Variants in TULP2 observed in about 807,000 individuals in gnomAD.
TULP2 encodes the protein tubby-related protein 2.
Under a neutral mutation model 60.3 loss-of-function variants are expected in TULP2, and 64 were observed. That is an observed-to-expected ratio of 1.06 (90% confidence interval 0.87 to 1.31). The LOEUF (loss-of-function observed/expected upper bound fraction) is 1.31. TULP2 is among the 50% of genes most tolerant of loss of function. The probability of loss-of-function intolerance (pLI) is 0.00; values close to 1 mark genes in which losing one functional copy is unlikely to be tolerated. For missense variants in TULP2, 652 were observed against 667.0 expected, an observed-to-expected ratio of 0.98 and a Z score of 0.25; for synonymous variants, 267 against 265.4, an observed-to-expected ratio of 1.01 and a Z score of -0.06.
chr19:48,896,639 G>A (rs1163566865), intron 3 of TULP2, 83 bp from the exon 4 acceptor site: 19 of 1,452,878 alleles, frequency 1.3e-5, no homozygotes, highest in African/African-American at 7.2e-5. Flanking sequence ...GCAAGGGCTC[G>A]CATCGGCGCG....
At chr19:48,883,148 G>C (rs1363286302) in intron 11 of TULP2, among the ~76,000 whole-genome samples, 2 of 151,804 alleles carry the variant, frequency 1.3e-5, no homozygotes, top group African/African-American at 4.8e-5. Context: ...GAGCCGGGGA[G>C]GTCGAGCTTG....
chr19:48,895,977 C>T (rs1235873904), intron 4 of TULP2, among the ~76,000 whole-genome samples: 1 of 152,208 alleles, frequency 6.6e-6, no homozygotes, highest in Non-Finnish European at 1.5e-5. Context: ...ACAGCCCTGC[C>T]GCTGGATTGT....
At position 48,896,488 on chromosome 19, in the gene TULP2, G is replaced by A. The variant is rs754973394; in HGVS notation, c.153C>T (p.Asp51=). ...AAGAGCGCCAAAGCCACGGGGAAGC[G>A]TCAGGATTGGCCTGAACCATGAGGA... ...QELLMVQANP[D]ASPWLWRSCL... Residue 51 remains aspartate (D), a synonymous_variant, in exon 4 of 13, where the codon GAC becomes GAT. Coordinates refer to ENST00000221399, the MANE Select transcript of TULP2 (RefSeq NM_003323.3). 55 of 1,611,508 alleles carry A rather than the reference G, an allele frequency of 3.4e-5. No individual in the cohort carries two copies. The highest frequency in any genetic ancestry group is 1.7e-5 in the Admixed American group (1 of 59,678).
chr19:48,883,891 C>T (rs780737539), intron 10 of TULP2, 39 bp from the exon 11 acceptor site: 2 of 1,613,946 alleles, frequency 1.2e-6, no homozygotes, highest in Non-Finnish European at 1.7e-6. Context: ...GTTCCTTCTT[C>T]TGACTATCCT....
chr19:48,889,034 G>C (rs2037208966), intron 7 of TULP2, among the ~76,000 whole-genome samples: 1 of 145,190 alleles, frequency 6.9e-6, no homozygotes, highest in African/African-American at 2.6e-5. Context: ...TCCCGGGCTG[G>C]AGTGCAATCT....
chr19:48,890,998 T>C (rs1222643457), intron 6 of TULP2, among the ~76,000 whole-genome samples: 1 of 151,228 alleles, frequency 6.6e-6, no homozygotes, highest in East Asian at 1.9e-4. Context: ...GAAGTACTGA[T>C]AATACTACCA....
chr19:48,886,134 G>A (rs988757893), intron 8 of TULP2, among the ~76,000 whole-genome samples: 33 of 151,736 alleles, frequency 2.2e-4, no homozygotes, highest in Non-Finnish European at 1.0e-4. Context: ...GTGAAACCCC[G>A]TCTCTACTAA....
intron 6 of TULP2, among the ~76,000 whole-genome samples, chr19:48,891,579 C>T (rs1050395879): frequency 3.2e-4 from 48 of 152,252 alleles, no homozygotes; most frequent in African/African-American, 1.0e-3. Flanking sequence ...TGCAGTGAGC[C>T]GAGATCGTGC....
At chr19:48,894,915 G>C in intron 6 of TULP2, 83 bp downstream of exon 6, 1 of 1,494,756 alleles carries the variant, frequency 6.7e-7, no homozygotes, top group Non-Finnish European at 9.0e-7. Flanking sequence ...TTATACTTCA[G>C]TGAAGCTGCT....
Position 48,895,363 on chromosome 19 carries a change from T to C in TULP2, c.349+3A>G. 2.5e-6 allele frequency: 4 copies of C among 1,613,356 alleles called. No individual in the cohort carries two copies. The highest frequency in any genetic ancestry group is 3.4e-6 in the Non-Finnish European group (4 of 1,179,618). On this transcript the variant is annotated splice_donor_region_variant and intron_variant, in intron 5 of 12. Coordinates refer to ENST00000221399, the MANE Select transcript of TULP2 (RefSeq NM_003323.3). ...TCTAGGAGGTCGGTGGACTCGCAAATACCTGCTTCTGTCCGCGGTGTCGGG... is the reference window on the plus strand; with the variant it reads ...TCTAGGAGGTCGGTGGACTCGCAAACACCTGCTTCTGTCCGCGGTGTCGGG...
Position 48,887,976 on chromosome 19 carries a change from A to G in TULP2, c.922T>C (p.Tyr308His). 3 of 1,612,734 alleles carry G rather than the reference A, an allele frequency of 1.9e-6. No homozygotes were observed. In the South Asian group the frequency reaches 3.3e-5, roughly 18 times the overall value. ...TGCAGGCTGTCAGAGGTCTCCAGGTAGAGGTAGTAGAGGGGGAACAAGCCC... is the reference window on the plus strand; with the variant it reads ...TGCAGGCTGTCAGAGGTCTCCAGGTGGAGGTAGTAGAGGGGGAACAAGCCC... ...DKGLFPLYYLYLETSDSLQRF... is the reference protein window; with the variant it reads ...DKGLFPLYYLHLETSDSLQRF... The change falls in exon 8 of 13, where the codon TAC (tyrosine) becomes CAC (histidine). Residue 308 changes from tyrosine to histidine, a missense_variant. Coordinates refer to ENST00000221399, the MANE Select transcript of TULP2 (RefSeq NM_003323.3).
At chr19:48,881,743 C>T (rs1370567164) in intron 12 of TULP2, among the ~76,000 whole-genome samples, 1 of 151,936 alleles carries the variant, frequency 6.6e-6, no homozygotes, top group Non-Finnish European at 1.5e-5. Context: ...TTCTTGAACT[C>T]CTGACCTCAG....
Position 48,883,001 on chromosome 19 carries a change from C to T in TULP2, c.1275+753G>A, listed in dbSNP as rs191141243. Among the ~76,000 whole-genome samples the T allele has an allele frequency of 3.7e-3, 569 of 152,258 alleles. 6 individuals carry two copies. The highest frequency in any genetic ancestry group is 0.013 in the African/African-American group (546 of 41,558). On this transcript the variant is annotated intron_variant, in intron 11 of 12. Transcript: ENST00000221399. The stretch of plus-strand genomic sequence containing the variant: ...TTGGGAGGCCGAGGCGGGTGAATCA[C>T]GAGGTCAGGAGATCGAGACCATCCT...
At chr19:48,885,034 G>A (rs1256261696) in intron 9 of TULP2, among the ~76,000 whole-genome samples, 1 of 149,796 alleles carries the variant, frequency 6.7e-6, no homozygotes, top group Non-Finnish European at 1.5e-5. Context: ...CCAAGTAGCT[G>A]GGATTACAGG....
Position 48,896,646 on chromosome 19 carries a change from C to T in TULP2, c.85-90G>A, listed in dbSNP as rs934915911. 3.5e-6 allele frequency: 5 copies of T among 1,431,042 alleles called. No individual in the cohort carries two copies. The South Asian group carries it at 4.4e-5, about 13-fold the overall frequency. 88.6% of individuals were successfully genotyped at this position (1,431,042 alleles called of 1,614,324 possible). A position where few individuals can be genotyped will look rare whatever the true frequency, so the allele number is the denominator to read the frequency against. On this transcript the variant is annotated intron_variant, in intron 3 of 12. Transcript: ENST00000221399. ...GGCCTGGGGCAAGGGCTCGCATCGGCGCGAGAGTTCGTGAACCCCTTCCTC... is the reference window on the plus strand; with the variant it reads ...GGCCTGGGGCAAGGGCTCGCATCGGTGCGAGAGTTCGTGAACCCCTTCCTC...
At chr19:48,898,433 G>A (rs1160453969) in intron 1 of TULP2, 157 bp downstream of exon 1, 3 of 151,218 alleles carry the variant, frequency 2.0e-5, no homozygotes, top group African/African-American at 4.9e-5. Flanking sequence ...TCAGAACTCA[G>A]GACTGTGCAC....
chr19:48,888,811 G>A (rs1034380282), intron 7 of TULP2, among the ~76,000 whole-genome samples: 1 of 151,688 alleles, frequency 6.6e-6, no homozygotes, highest in South Asian at 2.1e-4. Flanking sequence ...TAGTAGAGAC[G>A]GGGCTTCACC....
chr19:48,887,296 C>T (rs1396748793), intron 8 of TULP2, among the ~76,000 whole-genome samples: 3 of 114,488 alleles, frequency 2.6e-5, no homozygotes, highest in Non-Finnish European at 5.9e-5. Flanking sequence ...CAAGTGTGAG[C>T]CACCGCGCCC....
rs34378208 is a variant in TULP2, at chr19:48,895,148, C to G, written c.364G>C (p.Gly122Arg). 6.2e-7 allele frequency: 1 copy of G among 1,613,194 alleles called. No homozygotes were observed. Among genetic ancestry groups the G allele is most frequent in the East Asian group, 2.2e-5 (1 of 44,884 alleles). ...PRTEAVFRNL[G>R]LQSPFLSWLP... ...CAGGATAAGAAAGGGGACTGGAGAC[C>G]GAGATTCCTGAACACTGAGGAAGGA... Residue 122 changes from glycine to arginine, a missense_variant, in exon 6 of 13, where the codon GGT becomes CGT. Transcript: ENST00000221399.
Sources: gnomAD v4.1 joint callset for allele counts (sites outside exome capture counted in the v4.1 genomes callset) on GRCh38, gnomAD v4.1.1 for gene constraint, MANE v1.5 for transcripts, NCBI Gene and HGNC (gene_info 2026-07-23, HGNC 2026-07-21) for gene names.